Variants in ZP3 observed in about 807,000 individuals in gnomAD.
ZP3 encodes the protein zona pellucida sperm-binding protein 3.
A neutral mutation model predicts 35.6 loss-of-function variants in ZP3; 21 were observed. The observed-to-expected ratio is 0.59, with a 90% CI of 0.42 to 0.85. The LOEUF is 0.85. Ranked by LOEUF, ZP3 falls within the 40% of genes least tolerant of loss-of-function variation. ZP3 has a pLI of 0.00. For missense variants in ZP3, 437 were observed against 536.5 expected, an observed-to-expected ratio of 0.81 and a Z score of 1.83; for synonymous variants, 207 against 214.5, an observed-to-expected ratio of 0.96 and a Z score of 0.31.
At chr7:76,434,923 A>G (rs1297844581) in intron 5 of ZP3, among the ~76,000 whole-genome samples, 3 of 151,606 alleles carry the variant, frequency 2.0e-5, no homozygotes, top group Non-Finnish European at 4.4e-5. Context: ...GAAAACTCAA[A>G]TTGACACTAA....
rs754133352 is a variant in ZP3, at chr7:76,424,993, G to A, written c.29G>A (p.Cys10Tyr). 3.1e-5 allele frequency: 48 copies of A among 1,553,468 alleles called. No homozygotes were observed. Among genetic ancestry groups the A allele is most frequent in the Non-Finnish European group, 3.9e-5 (45 of 1,150,548 alleles). The change falls in exon 1 of 8, where the codon TGC (cysteine) becomes TAC (tyrosine). Residue 10 changes from cysteine to tyrosine, a missense_variant. Transcript: ENST00000394857. The stretch of plus-strand genomic sequence containing the variant: ...GAGCTGAGCTATAGGCTCTTCATCT[G>A]CCTCCTGCTCTGGGGTAGTACTGAG... MELSYRLFI[C>Y]LLLWGSTELC...
chr7:76,416,865 C>CAT lies in ZP3; in HGVS notation c.-66-8186_-66-8185insTA, dbSNP rs1295583827. 1.1e-3 allele frequency among the ~76,000 whole-genome samples: 161 copies of CAT among 145,514 alleles called. 2 individuals are homozygous for CAT. The highest frequency in any genetic ancestry group is 4.1e-3 in the East Asian group (20 of 4,872). ...ATATATACACACATACATATATATA[C>CAT]ACACATATATACACACATACATATA... On this transcript the variant is annotated intron_variant, in intron 1 of 8. Transcript: ENST00000336517.
At chr7:76,420,619 T>G (rs1805482743), upstream of ZP3, among the ~76,000 whole-genome samples, 1 of 152,196 alleles carries the variant, frequency 6.6e-6, no homozygotes, top group African/African-American at 2.4e-5. Context: ...CCTAGGAACT[T>G]CATATTTTGT....
intron 5 of ZP3, among the ~76,000 whole-genome samples, chr7:76,436,737 C>T (rs1461481990): frequency 2.0e-5 from 3 of 152,186 alleles, no homozygotes; most frequent in Non-Finnish European, 4.4e-5. Context: ...ACCGATAGCT[C>T]CTTAGGGGAG....
At chr7:76,410,999 GAA>G (rs977138723) in intron 1 of ZP3, among the ~76,000 whole-genome samples, 15 of 80,272 alleles carry the variant, frequency 1.9e-4, no homozygotes, top group South Asian at 1.7e-3. Flanking sequence ...CATCTCAAAA[GAA>G]AAAAAAAAAA....
At chr7:76,424,868 G>T (rs1418217865), upstream of ZP3, 4 of 1,197,572 alleles carry the variant, frequency 3.3e-6, no homozygotes, top group Non-Finnish European at 4.5e-6. Flanking sequence ...GGCTAGGGAA[G>T]GGAGGCAGCT....
intron 1 of ZP3, among the ~76,000 whole-genome samples, chr7:76,427,010 G>T (rs542587611): frequency 6.6e-6 from 1 of 152,050 alleles, no homozygotes. Flanking sequence ...AGCTACGATT[G>T]TGCCACTGCA....
At chr7:76,410,613 G>C (rs1370306019) in intron 1 of ZP3, among the ~76,000 whole-genome samples, 1 of 152,110 alleles carries the variant, frequency 6.6e-6, no homozygotes, top group Non-Finnish European at 1.5e-5. Context: ...GGCCAAGGGA[G>C]GAAAACAGGT....
At chr7:76,431,149 T>C (rs146687881) in intron 2 of ZP3, among the ~76,000 whole-genome samples, 10 of 152,274 alleles carry the variant, frequency 6.6e-5, no homozygotes, top group African/African-American at 2.2e-4. Flanking sequence ...GCCTGACCCA[T>C]GGTTGCAGGG....
At chr7:76,429,707 A>G (rs1805774596) in intron 2 of ZP3, 74 bp downstream of exon 2, 8 of 1,271,664 alleles carry the variant, frequency 6.3e-6, no homozygotes, top group Non-Finnish European at 9.1e-6. Context: ...TGGGCTGGCT[A>G]TGGGCTACAG....
At position 76,425,318 on chromosome 7, in the gene ZP3, C is replaced by A; in HGVS notation, c.312+42C>A. ...GCCCTGGCTTTGGTGGGAGGATGTT[C>A]GAGGCAGCCGGGTATGGGGACTGTG... On this transcript the variant is annotated intron_variant, in intron 1 of 7. Transcript: ENST00000394857. 2.6e-6 allele frequency: 4 copies of A among 1,563,030 alleles called. No homozygotes were observed. In the South Asian group the frequency reaches 3.5e-5, roughly 14 times the overall value.
intron 1 of ZP3, chr7:76,397,846 C>T (rs1176396502): frequency 1.3e-6 from 2 of 1,532,186 alleles, no homozygotes; most frequent in African/African-American, 1.4e-5. Context: ...GGGATGGGGG[C>T]GGGGGTCAGG....
At chr7:76,407,708 G>A (rs1584036837) in intron 1 of ZP3, among the ~76,000 whole-genome samples, 1 of 152,066 alleles carries the variant, frequency 6.6e-6, no homozygotes, top group African/African-American at 2.4e-5. Flanking sequence ...ACTCCAACTT[G>A]AATGACAGAG....
At chr7:76,423,053 A>G (rs902275699), upstream of ZP3, among the ~76,000 whole-genome samples, 346 of 134,646 alleles carry the variant, frequency 2.6e-3, 1 homozygote, top group Middle Eastern at 7.9e-3. Flanking sequence ...GAAAGAAAGA[A>G]AGAAAGAAAG....
intron 1 of ZP3, among the ~76,000 whole-genome samples, chr7:76,402,605 C>T (rs1804867723): frequency 6.6e-6 from 1 of 152,172 alleles, no homozygotes. Context: ...AGGTGTGAGC[C>T]ACCTTGCCTG....
chr7:76,398,474 T>G (rs1238710727), intron 1 of ZP3, among the ~76,000 whole-genome samples: 2 of 152,010 alleles, frequency 1.3e-5, no homozygotes, highest in African/African-American at 2.4e-5. Flanking sequence ...CTGGCTAATT[T>G]TTGTATTTTT....
chr7:76,421,915 G>C (rs1290085982), upstream of ZP3, among the ~76,000 whole-genome samples: 2 of 151,286 alleles, frequency 1.3e-5, no homozygotes, highest in Non-Finnish European at 2.9e-5. Context: ...GTTTTGTTTT[G>C]AGACAGAGTG....
intron 1 of ZP3, chr7:76,398,814 G>A (rs754520274): frequency 1.9e-6 from 3 of 1,610,734 alleles, no homozygotes. Flanking sequence ...AGGAAGTGAA[G>A]TGGATACAGG....
At chr7:76,404,413 A>T in intron 1 of ZP3, 1 of 1,614,032 alleles carries the variant, frequency 6.2e-7, no homozygotes, top group Non-Finnish European at 8.5e-7. Context: ...GCTGGGGACC[A>T]ATTAGCATCT....
Sources: gnomAD v4.1 joint callset for allele counts (sites outside exome capture counted in the v4.1 genomes callset) on GRCh38, gnomAD v4.1.1 for gene constraint, MANE v1.5 for transcripts, NCBI Gene and HGNC (gene_info 2026-07-23, HGNC 2026-07-21) for gene names.